The following NELL1 variants were observed in gnomAD, a reference collection of about 807,000 sequenced individuals.
NELL1 encodes protein kinase C-binding protein NELL1.
NELL1 carries 76 observed loss-of-function variants against 107.4 expected under a neutral mutation model. That is an observed-to-expected ratio of 0.71 (90% CI 0.59 to 0.86). NELL1 has a LOEUF of 0.86. Among genes scored for constraint, NELL1 ranks in the 40% least tolerant of loss-of-function variants. The pLI, the probability that NELL1 is intolerant of heterozygous loss-of-function variation, is 0.00. For synonymous variants in NELL1, 353 were observed against 341.2 expected (o/e 1.03, Z -0.38); for missense variants, 1,024 against 1,005.5 (o/e 1.02, Z -0.25).
intron 12 of NELL1, among the ~76,000 whole-genome samples, chr11:20,993,327 C>T (rs72943164): frequency 0.054 from 8,193 of 152,216 alleles, 264 homozygotes; most frequent in Middle Eastern, 0.095. Context: ...GATACTATAA[C>T]TAGTTTATCA....
intron 14 of NELL1, among the ~76,000 whole-genome samples, chr11:21,294,220 C>A (rs2133963925): frequency 6.6e-6 from 1 of 152,270 alleles, no homozygotes; most frequent in Admixed American, 6.5e-5. Context: ...CTACCTGCCA[C>A]TTCTGTCCCC....
chr11:21,521,479 A>G (rs1855722289), intron 15 of NELL1, among the ~76,000 whole-genome samples: 2 of 152,074 alleles, frequency 1.3e-5, no homozygotes, highest in African/African-American at 2.4e-5. Context: ...ATTGGGTATA[A>G]TGTTCAAGAA....
chr11:21,023,585 G>C (rs993814098), intron 12 of NELL1, among the ~76,000 whole-genome samples: 1 of 150,918 alleles, frequency 6.6e-6, no homozygotes, highest in Non-Finnish European at 1.5e-5. Flanking sequence ...TTTTTTTTTA[G>C]TGTATGAAAC....
chr11:20,699,822 G>A (rs570379815), intron 2 of NELL1, among the ~76,000 whole-genome samples: 10 of 152,238 alleles, frequency 6.6e-5, no homozygotes, highest in Admixed American at 1.3e-4. Context: ...GGATCAAATG[G>A]TAGTTCTACT....
At chr11:21,223,327 CTTTCTTT>C (rs991641570) in intron 13 of NELL1, among the ~76,000 whole-genome samples, 1 of 151,852 alleles carries the variant, frequency 6.6e-6, no homozygotes, top group Non-Finnish European at 1.5e-5. Flanking sequence ...GATTCTTTGT[CTTTCTTT>C]TTTCTTTTTT....
intron 3 of NELL1, among the ~76,000 whole-genome samples, chr11:20,843,988 G>A (rs1289357307): frequency 6.6e-6 from 1 of 152,192 alleles, no homozygotes; most frequent in East Asian, 1.9e-4. Flanking sequence ...AGTAAATACA[G>A]GTTGGAAAAG....
At chr11:20,854,858 G>T (rs1211942367) in intron 4 of NELL1, among the ~76,000 whole-genome samples, 1 of 152,210 alleles carries the variant, frequency 6.6e-6, no homozygotes, top group East Asian at 1.9e-4. Context: ...AGTAAAAGAA[G>T]CCTTGGATGC....
At position 21,298,649 on chromosome 11, in the gene NELL1, G is replaced by A. The variant is rs545146715; in HGVS notation, c.1549+69195G>A. Among the ~76,000 whole-genome samples the A allele has an allele frequency of 5.3e-5, 8 of 152,096 alleles. No homozygotes were observed. The South Asian group carries it at 1.7e-3, about 32-fold the overall frequency. Reference sequence around the variant, plus strand: ...GCTCTGAGAAGCCACCAATAGGCCAGTTTCTGCCCAGGGTCTATGGTAATT... The same window carrying A: ...GCTCTGAGAAGCCACCAATAGGCCAATTTCTGCCCAGGGTCTATGGTAATT... On this transcript the variant is annotated intron_variant, in intron 14 of 19. Transcript: ENST00000357134.
intron 13 of NELL1, among the ~76,000 whole-genome samples, chr11:21,120,025 G>A (rs1855329312): frequency 6.6e-6 from 1 of 152,062 alleles, no homozygotes; most frequent in Non-Finnish European, 1.5e-5. Flanking sequence ...AAGAAATAAA[G>A]GGAACAAGTG....
intron 3 of NELL1, among the ~76,000 whole-genome samples, chr11:20,814,987 T>C (rs1857592561): frequency 6.6e-6 from 1 of 152,186 alleles, no homozygotes. Context: ...TTTTTTGACT[T>C]TTTAATAGTG....
intron 12 of NELL1, among the ~76,000 whole-genome samples, chr11:21,073,925 A>G (rs1854074879): frequency 6.6e-6 from 1 of 152,166 alleles, no homozygotes; most frequent in African/African-American, 2.4e-5. Context: ...TTAGGCAAAC[A>G]ACAACAACAA....
chr11:20,751,646 TA>T (rs56008564), intron 2 of NELL1, among the ~76,000 whole-genome samples: 112,921 of 147,798 alleles, frequency 0.76, 43,403 homozygotes, highest in Middle Eastern at 0.89. Context: ...CTGGCTAAGT[TA>T]AAAAAAAAAA....
intron 10 of NELL1, among the ~76,000 whole-genome samples, chr11:20,943,387 A>G (rs1000337303): frequency 6.6e-6 from 1 of 152,064 alleles, no homozygotes; most frequent in Non-Finnish European, 1.5e-5. Context: ...GATTGAGACC[A>G]TCTTGGCCAA....
intron 13 of NELL1, among the ~76,000 whole-genome samples, chr11:21,203,119 T>C (rs534790035): frequency 3.3e-5 from 5 of 152,216 alleles, no homozygotes; most frequent in Non-Finnish European, 7.3e-5. Flanking sequence ...TGGAGAGTTC[T>C]GTAGATGTCT....
chr11:21,276,904 G>A (rs1848877134), intron 14 of NELL1, among the ~76,000 whole-genome samples: 1 of 151,802 alleles, frequency 6.6e-6, no homozygotes, highest in South Asian at 2.1e-4. Context: ...AATTCAAGAT[G>A]GATTAAAGAC....
At chr11:21,221,015 T>C (rs1025582568) in intron 13 of NELL1, among the ~76,000 whole-genome samples, 1 of 152,184 alleles carries the variant, frequency 6.6e-6, no homozygotes, top group Non-Finnish European at 1.5e-5. Flanking sequence ...CTTGCCTATA[T>C]GGTCTTTATT....
intron 15 of NELL1, among the ~76,000 whole-genome samples, chr11:21,470,786 G>A (rs1235567983): frequency 6.6e-6 from 1 of 152,036 alleles, no homozygotes; most frequent in African/African-American, 2.4e-5. Context: ...GCACTGTGCA[G>A]CAGTTTGGAA....
chr11:21,366,081 A>G (rs1851212858), intron 14 of NELL1, among the ~76,000 whole-genome samples: 1 of 152,104 alleles, frequency 6.6e-6, no homozygotes, highest in African/African-American at 2.4e-5. Context: ...GGGGCGTTTG[A>G]TAAATATGCT....
At chr11:21,167,699 A>C (rs1590699001) in intron 13 of NELL1, among the ~76,000 whole-genome samples, 2 of 151,772 alleles carry the variant, frequency 1.3e-5, no homozygotes, top group East Asian at 3.9e-4. Context: ...TTCTCCAGTT[A>C]TGTTGGTCTT....
Sources: gnomAD v4.1 joint callset for allele counts (sites outside exome capture counted in the v4.1 genomes callset) on GRCh38, gnomAD v4.1.1 for gene constraint, MANE v1.5 for transcripts, NCBI Gene and HGNC (gene_info 2026-07-23, HGNC 2026-07-21) for gene names.